MEIS3: variants seen among roughly 807,000 people sequenced by gnomAD.
The protein encoded by MEIS3 is homeobox protein Meis3.
MEIS3 carries 38 observed loss-of-function variants against 51.4 expected under a neutral mutation model. That is an observed-to-expected ratio of 0.74 (90% CI 0.57 to 0.97). MEIS3 has a LOEUF of 0.97. MEIS3 is among the 50% of genes least tolerant of loss of function. MEIS3 has a pLI of 0.00. For missense variants in MEIS3, 456 were observed against 502.6 expected (o/e 0.91, Z 0.89); for synonymous variants, 198 against 201.8 (o/e 0.98, Z 0.16).
intron 1 of MEIS3, chr19:47,417,902 G>A (rs1971536071): frequency 1.7e-6 from 1 of 581,858 alleles, no homozygotes; most frequent in Non-Finnish European, 3.0e-6. Flanking sequence ...TCATGTGTCA[G>A]TCACACCCAA....
chr19:47,416,509 G>C, intron 4 of MEIS3, 143 bp downstream of exon 4: 1 of 695,998 alleles, frequency 1.4e-6, no homozygotes, highest in Non-Finnish European at 2.4e-6. Flanking sequence ...TGTACCACAC[G>C]GCACGTGGGC....
chr19:47,405,432 G>C (rs140634727), intron 12 of MEIS3, among the ~76,000 whole-genome samples: 83 of 152,222 alleles, frequency 5.5e-4, no homozygotes, highest in African/African-American at 1.9e-3. Context: ...CCCTCCTATG[G>C]GGAAACTACG....
At chr19:47,406,808 G>C in intron 11 of MEIS3, 80 bp downstream of exon 11, 1 of 1,295,818 alleles carries the variant, frequency 7.7e-7, no homozygotes, top group Non-Finnish European at 1.1e-6. Flanking sequence ...CGCTTGAATT[G>C]AATCTCAGGT....
At chr19:47,420,812 G>A (rs1971679315), upstream of MEIS3, among the ~76,000 whole-genome samples, 9 of 151,378 alleles carry the variant, frequency 5.9e-5, no homozygotes, top group South Asian at 1.9e-3. Flanking sequence ...GAGCAGGGGG[G>A]AGGCTCCGGC....
chr19:47,420,973 CTT>C (rs1491101879), upstream of MEIS3, among the ~76,000 whole-genome samples: 23,749 of 103,972 alleles, frequency 0.23, 3,538 homozygotes, highest in Non-Finnish European at 0.34. Context: ...CTCTCTCTCT[CTT>C]CCTGGCTGTC....
rs1283845183 is a variant in MEIS3 at position 47,407,172 on chromosome 19, A to G, written c.936-35T>C. The G allele has an allele frequency of 3.8e-6, 6 of 1,596,192 alleles. No individual in the cohort carries two copies. In the African/African-American group the frequency reaches 6.7e-5, roughly 18 times the overall value. ...GGTCATGGAAACGGAGGGGAATGAAAAGAGGGAGTGGGAGAGAGGCCAAGA... is the reference window on the plus strand; with the variant it reads ...GGTCATGGAAACGGAGGGGAATGAAGAGAGGGAGTGGGAGAGAGGCCAAGA... On this transcript the variant is annotated intron_variant, in intron 9 of 12. Transcript: ENST00000558555.
upstream of MEIS3, among the ~76,000 whole-genome samples, chr19:47,420,938 A>ACTCTCTCTCTCTCT (rs1282443244): frequency 2.3e-4 from 19 of 83,598 alleles, no homozygotes; most frequent in African/African-American, 8.7e-4. Flanking sequence ...ACACACACAC[A>ACTCTCTCTCTCTCT]CACTCTCTCT....
upstream of MEIS3, among the ~76,000 whole-genome samples, chr19:47,420,940 A>ACACACTCTCT (rs1187725467): frequency 0.014 from 1,239 of 90,482 alleles, 15 homozygotes; most frequent in Non-Finnish European, 0.021. Flanking sequence ...ACACACACAC[A>ACACACTCTCT]CTCTCTCTCT....
At chr19:47,420,947 CTCTCTCT>C (rs1568434327), upstream of MEIS3, among the ~76,000 whole-genome samples, 14 of 120,506 alleles carry the variant, frequency 1.2e-4, no homozygotes, top group Non-Finnish European at 2.1e-4. Flanking sequence ...CACACTCTCT[CTCTCTCT>C]CTCTCTCTCT....
Position 47,417,165 on chromosome 19 carries a change from C to T in MEIS3, c.185+13G>A, listed in dbSNP as rs372818322. ...GAGAGAGAGACAGGAGCCTGAGACC[C>T]GGCCCCACTCACCCATAGATCTCAT... is the stretch of plus-strand genomic sequence containing the variant. On this transcript the variant is annotated intron_variant, in intron 2 of 12. Transcript: ENST00000558555. 4.8e-5 allele frequency: 73 copies of T among 1,535,588 alleles called. No individual in the cohort carries two copies. The highest frequency in any genetic ancestry group is 2.6e-4 in the South Asian group (20 of 77,218).
intron 8 of MEIS3, chr19:47,407,660 T>A (rs1219366640): frequency 1.3e-6 from 1 of 782,142 alleles, no homozygotes; most frequent in East Asian, 6.2e-5. Flanking sequence ...AGAGGTTAAC[T>A]GGCCAGCTCT....
upstream of MEIS3, among the ~76,000 whole-genome samples, chr19:47,420,961 CT>C (rs1251267530): frequency 6.9e-6 from 1 of 144,074 alleles, no homozygotes; most frequent in Non-Finnish European, 1.5e-5. Context: ...CTCTCTCTCT[CT>C]CTCTCTCTCT....
At chr19:47,420,975 T>TCTCTCTCTCTCTCTC (rs1568434395), upstream of MEIS3, among the ~76,000 whole-genome samples, 60 of 79,102 alleles carry the variant, frequency 7.6e-4, no homozygotes, top group African/African-American at 3.1e-3. Context: ...CTCTCTCTCT[T>TCTCTCTCTCTCTCTC]CCTGGCTGTC....
chr19:47,418,945 CAG>C (rs1971596011), intron 1 of MEIS3, 123 bp downstream of exon 1: 4 of 539,786 alleles, frequency 7.4e-6, no homozygotes, highest in Non-Finnish European at 1.1e-5. Context: ...GAGGGAGGGG[CAG>C]AGAGAGAGCG....
chr19:47,407,513 T>C, intron 8 of MEIS3, 85 bp from the exon 9 acceptor site: 1 of 1,609,008 alleles, frequency 6.2e-7, no homozygotes, highest in Non-Finnish European at 8.5e-7. Context: ...GTCCGGGGGA[T>C]GGGGAGCCCA....
chr19:47,415,481 G>A (rs1470126180), intron 4 of MEIS3, among the ~76,000 whole-genome samples: 1 of 151,966 alleles, frequency 6.6e-6, no homozygotes, highest in Admixed American at 6.6e-5. Flanking sequence ...ACTTGCCAAA[G>A]GGTTTGGCCA....
chr19:47,409,854 C>G (rs1310364932), intron 6 of MEIS3, among the ~76,000 whole-genome samples: 1 of 135,372 alleles, frequency 7.4e-6, no homozygotes, highest in African/African-American at 2.8e-5. Context: ...CAGAGCAAGA[C>G]TCCGTGTCAA....
chr19:47,419,050 G>T lies in MEIS3; in HGVS notation c.12+20C>A. 1.6e-6 allele frequency: 2 copies of T among 1,245,026 alleles called. No homozygotes were observed. Among genetic ancestry groups the T allele is most frequent in the South Asian group, 3.6e-5 (1 of 28,164 alleles). 77.1% of individuals were successfully genotyped at this position (1,245,026 alleles called of 1,614,324 possible). ...GGTGCGGAAGCGGCCGGGACGCGGG[G>T]TCCCCGCCCCGAGACCTACCCTCCG... On this transcript the variant is annotated intron_variant, in intron 1 of 12. Transcript: ENST00000558555.
chr19:47,416,647 C>T lies in MEIS3; in HGVS notation c.396+5G>A, dbSNP rs1971427067. On this transcript the variant is annotated splice_donor_5th_base_variant and intron_variant, in intron 4 of 12. Transcript: ENST00000558555. The stretch of plus-strand genomic sequence containing the variant: ...AGGGGGTGTGGGGGAGGGCTCGGGT[C>T]TCACCAGATTGTCCAGTTCTGGGTT... 2 of 1,532,890 alleles carry T rather than the reference C, an allele frequency of 1.3e-6. No homozygotes were observed. Among genetic ancestry groups the T allele is most frequent in the Non-Finnish European group, 1.8e-6 (2 of 1,136,848 alleles). The allele number at this position is 1,532,890 out of a possible 1,614,324, so 95.0% of individuals were successfully genotyped here. A position where few individuals can be genotyped will look rare whatever the true frequency, so the allele number is the denominator to read the frequency against.
Sources: gnomAD v4.1 joint callset for allele counts (sites outside exome capture counted in the v4.1 genomes callset) on GRCh38, gnomAD v4.1.1 for gene constraint, MANE v1.5 for transcripts, NCBI Gene and HGNC (gene_info 2026-07-23, HGNC 2026-07-21) for gene names.